Variants in ATG7 observed in about 807,000 individuals in gnomAD.
ATG7 encodes ubiquitin-like modifier-activating enzyme ATG7.
Under a neutral mutation model 82.4 loss-of-function variants are expected in ATG7, and 70 were observed. The observed-to-expected ratio is 0.85, with a 90% CI of 0.70 to 1.04. The LOEUF (loss-of-function observed/expected upper bound fraction) is 1.04, where lower values mean the gene tolerates loss of function less well. Ranked by LOEUF, ATG7 falls within the 50% of genes least tolerant of loss-of-function variation. The probability of loss-of-function intolerance (pLI) is 0.00; values close to 1 mark genes in which losing one functional copy is unlikely to be tolerated. For synonymous variants in ATG7, 287 were observed against 313.0 expected, an observed-to-expected ratio of 0.92 and a Z score of 0.88; for missense variants, 792 against 864.3, an observed-to-expected ratio of 0.92 and a Z score of 1.05.
rs143396792 is a variant in ATG7 at position 11,495,020 on chromosome 3, C to T, written c.2080-59791C>T. 1.7e-3 allele frequency among the ~76,000 whole-genome samples: 259 copies of T among 151,872 alleles called. 5 individuals are homozygous for T. The East Asian group carries it at 0.045, about 26-fold the overall frequency. The stretch of plus-strand genomic sequence containing the variant: ...CTGGGAGGTGGAGGTTGCAGTGAGC[C>T]GAGATTGCACCACTGCACTCCAGCC... On this transcript the variant is annotated intron_variant, in intron 20 of 20. Coordinates refer to ENST00000693202, the MANE Select transcript of ATG7 (RefSeq NM_001349232.2).
At chr3:11,441,362 C>G (rs1201342012) in intron 20 of ATG7, among the ~76,000 whole-genome samples, 2 of 151,234 alleles carry the variant, frequency 1.3e-5, no homozygotes, top group Non-Finnish European at 2.9e-5. Context: ...CTACCTCAAC[C>G]TCCCGAATAG....
chr3:11,400,609 C>T (rs2079742773), intron 19 of ATG7, among the ~76,000 whole-genome samples: 2 of 151,954 alleles, frequency 1.3e-5, no homozygotes, highest in African/African-American at 4.8e-5. Flanking sequence ...CACACCGCAC[C>T]CCCCACCCCA....
Position 11,340,635 on chromosome 3 carries a change from T to A in ATG7, c.890-10T>A. 1 of 1,610,368 alleles carries A rather than the reference T, an allele frequency of 6.2e-7. No individual in the cohort carries two copies. The highest frequency in any genetic ancestry group is 1.1e-5 in the South Asian group (1 of 90,674). ...TCCTTCATTAAACTTTGTGTTTTATTTGCCTTAAGATTGTCCTAAAGCAGT... is the reference window on the plus strand; with the variant it reads ...TCCTTCATTAAACTTTGTGTTTTATATGCCTTAAGATTGTCCTAAAGCAGT... On this transcript the variant is annotated splice_polypyrimidine_tract_variant and intron_variant, in intron 11 of 20. Transcript: ENST00000693202.
At chr3:11,381,537 C>T (rs2077898734) in intron 19 of ATG7, among the ~76,000 whole-genome samples, 2 of 152,234 alleles carry the variant, frequency 1.3e-5, no homozygotes, top group Admixed American at 1.3e-4. Context: ...GAATCACAAG[C>T]ATACCATCTA....
chr3:11,338,152 T>C (rs1483601377), intron 11 of ATG7, among the ~76,000 whole-genome samples: 3 of 152,138 alleles, frequency 2.0e-5, no homozygotes, highest in Non-Finnish European at 4.4e-5. Flanking sequence ...CTGTTCCCCT[T>C]TGTGTCCATG....
intron 20 of ATG7, among the ~76,000 whole-genome samples, chr3:11,519,543 T>TG: frequency 2.0e-5 from 1 of 50,278 alleles, no homozygotes; most frequent in Non-Finnish European, 3.7e-5. Flanking sequence ...AGAGGAGTTT[T>TG]TTTTTTTTTT....
At chr3:11,341,387 G>A (rs1953589246) in intron 12 of ATG7, among the ~76,000 whole-genome samples, 1 of 144,404 alleles carries the variant, frequency 6.9e-6, no homozygotes, top group Non-Finnish European at 1.5e-5. Flanking sequence ...AAGGATATTA[G>A]AAGAATTATT....
intron 20 of ATG7, among the ~76,000 whole-genome samples, chr3:11,541,112 G>T (rs957580085): frequency 1.3e-5 from 2 of 152,142 alleles, no homozygotes; most frequent in Non-Finnish European, 2.9e-5. Context: ...ATGTTAGCCA[G>T]GATGGTCTCG....
At chr3:11,490,615 G>A (rs1206751752) in intron 20 of ATG7, among the ~76,000 whole-genome samples, 2 of 152,196 alleles carry the variant, frequency 1.3e-5, no homozygotes, top group Non-Finnish European at 2.9e-5. Context: ...GGTACCGGTT[G>A]TTCCTTTCCA....
At chr3:11,414,321 C>A (rs2081176660) in intron 19 of ATG7, among the ~76,000 whole-genome samples, 1 of 152,198 alleles carries the variant, frequency 6.6e-6, no homozygotes, top group Non-Finnish European at 1.5e-5. Context: ...CCACCTCGGC[C>A]TCCCACAGTA....
intron 20 of ATG7, among the ~76,000 whole-genome samples, chr3:11,437,700 C>T (rs2083486816): frequency 6.6e-6 from 1 of 152,178 alleles, no homozygotes; most frequent in Non-Finnish European, 1.5e-5. Flanking sequence ...TGGTTTATCT[C>T]TCTGTGTACG....
Position 11,554,880 on chromosome 3 carries a change from C to A in ATG7, c.*37C>A, listed in dbSNP as rs748311768. The A allele has an allele frequency of 6.2e-7, 1 of 1,607,476 alleles. No individual in the cohort carries two copies. Among genetic ancestry groups the A allele is most frequent in the East Asian group, 2.2e-5 (1 of 44,746 alleles). On this transcript the variant is annotated 3_prime_UTR_variant, in exon 21 of 21. Coordinates refer to ENST00000693202, the MANE Select transcript of ATG7 (RefSeq NM_001349232.2). Reference sequence around the variant, plus strand: ...TGTGGGGCTGACTTCTCCCCGGCCGCCTGCTGAGGAGCTCTCCATCGCCAG... The same window carrying A: ...TGTGGGGCTGACTTCTCCCCGGCCGACTGCTGAGGAGCTCTCCATCGCCAG...
rs192034151 is a variant in ATG7 at position 11,415,146 on chromosome 3, C to T, written c.1957-11658C>T. Among the ~76,000 whole-genome samples the T allele has an allele frequency of 3.3e-4, 50 of 152,270 alleles. 1 individual carries two copies. The highest frequency in any genetic ancestry group is 1.5e-3 in the East Asian group (8 of 5,186). ...AACACTGTAGACAACTATAACACAA[C>T]GGTAAGTACTTGTGTATCTCAATGT... On this transcript the variant is annotated intron_variant, in intron 19 of 20. Transcript: ENST00000693202.
chr3:11,405,243 A>G (rs2080215776), intron 19 of ATG7, among the ~76,000 whole-genome samples: 2 of 152,262 alleles, frequency 1.3e-5, no homozygotes, highest in Middle Eastern at 3.4e-3. Flanking sequence ...CTAAAAATGA[A>G]GATTTATAGA....
chr3:11,362,933 G>A lies in ATG7; in HGVS notation c.1799+5G>A, dbSNP rs1020070048. The A allele has an allele frequency of 5.0e-6, 8 of 1,612,652 alleles. No individual in the cohort carries two copies. The highest frequency in any genetic ancestry group is 6.8e-6 in the Non-Finnish European group (8 of 1,179,216). On this transcript the variant is annotated splice_donor_5th_base_variant and intron_variant, in intron 17 of 20. Coordinates refer to ENST00000693202, the MANE Select transcript of ATG7 (RefSeq NM_001349232.2). ...TGTTTTGCAGCATCCAGAAGGGTGA[G>A]TTTGCTAGTAGGAGATGAGTATTTA...
At chr3:11,306,277 G>A (rs1043318587) in intron 5 of ATG7, among the ~76,000 whole-genome samples, 2 of 152,200 alleles carry the variant, frequency 1.3e-5, no homozygotes, top group African/African-American at 4.8e-5. Flanking sequence ...CTAGGTTGTG[G>A]GGCAGTCAGG....
intron 11 of ATG7, among the ~76,000 whole-genome samples, chr3:11,339,144 A>C (rs1171577493): frequency 1.3e-5 from 2 of 151,920 alleles, no homozygotes; most frequent in Non-Finnish European, 2.9e-5. Flanking sequence ...AAAATACAAA[A>C]AATTAGCCGG....
intron 11 of ATG7, among the ~76,000 whole-genome samples, chr3:11,339,480 G>C (rs1335622828): frequency 6.6e-6 from 1 of 151,756 alleles, no homozygotes; most frequent in Non-Finnish European, 1.5e-5. Context: ...TGAATTTCTT[G>C]CTTAGTAGTT....
intron 20 of ATG7, among the ~76,000 whole-genome samples, chr3:11,500,977 G>A (rs1014002966): frequency 1.3e-5 from 2 of 152,186 alleles, no homozygotes; most frequent in East Asian, 1.9e-4. Context: ...TAATAGGGCC[G>A]GGCATGGTAG....
Sources: gnomAD v4.1 joint callset for allele counts (sites outside exome capture counted in the v4.1 genomes callset) on GRCh38, gnomAD v4.1.1 for gene constraint, MANE v1.5 for transcripts, NCBI Gene and HGNC (gene_info 2026-07-23, HGNC 2026-07-21) for gene names.